The following ARHGEF37 variants were observed in gnomAD, a reference collection of about 807,000 sequenced individuals.
ARHGEF37 encodes the protein Rho guanine nucleotide exchange factor (GEF) 37.
Under a neutral mutation model 71.1 loss-of-function variants are expected in ARHGEF37, and 55 were observed. The ratio of observed to expected loss-of-function variants is 0.77; its 90% CI spans 0.62 to 0.97. The LOEUF is 0.97. ARHGEF37 is among the 50% of genes least tolerant of loss of function. ARHGEF37 has a pLI of 0.00. For synonymous variants in ARHGEF37, 327 were observed against 350.6 expected (o/e 0.93, Z 0.75); for missense variants, 765 against 836.8 (o/e 0.91, Z 1.06).
At chr5:149,569,425 T>G (rs1179219820) in intron 1 of ARHGEF37, among the ~76,000 whole-genome samples, 7 of 152,114 alleles carry the variant, frequency 4.6e-5, no homozygotes, top group Admixed American at 4.6e-4. Flanking sequence ...GTTCAAGCGA[T>G]TCTCCTGCCT....
chr5:149,598,753 T>TAG (rs1290249576), intron 2 of ARHGEF37, among the ~76,000 whole-genome samples: 1 of 85,130 alleles, frequency 1.2e-5, no homozygotes, highest in African/African-American at 4.7e-5. Flanking sequence ...TATATATCTA[T>TAG]ATATAGATAT....
Position 149,601,247 on chromosome 5 carries a change from A to G in ARHGEF37, c.310+16A>G, listed in dbSNP as rs770969068. The stretch of plus-strand genomic sequence containing the variant: ...CAGCTAGTTGGTAAGCAAAAAACCT[A>G]AGGAGTTGTCAGCCTTAGATTCTCA... On this transcript the variant is annotated intron_variant, in intron 3 of 12. Transcript: ENST00000333677. 4.4e-6 allele frequency: 7 copies of G among 1,606,558 alleles called. No homozygotes were observed. The highest frequency in any genetic ancestry group is 1.7e-5 in the Admixed American group (1 of 59,868).
At chr5:149,618,715 C>T (rs1232453208) in intron 6 of ARHGEF37, among the ~76,000 whole-genome samples, 4 of 152,202 alleles carry the variant, frequency 2.6e-5, no homozygotes, top group Admixed American at 6.5e-5. Context: ...CAGAGTCACA[C>T]GGCTAGGAAG....
chr5:149,585,925 C>G (rs1763223816), intron 1 of ARHGEF37, among the ~76,000 whole-genome samples: 1 of 152,206 alleles, frequency 6.6e-6, no homozygotes, highest in South Asian at 2.1e-4. Flanking sequence ...ATGACCATAT[C>G]AGTCTAACTC....
intron 3 of ARHGEF37, among the ~76,000 whole-genome samples, chr5:149,607,557 T>C (rs562294315): frequency 7.1e-4 from 108 of 152,296 alleles, no homozygotes; most frequent in Non-Finnish European, 1.2e-3. Flanking sequence ...ACAGGATTTG[T>C]GTGAGCAACA....
chr5:149,575,122 T>A (rs1319170528), intron 1 of ARHGEF37, among the ~76,000 whole-genome samples: 1 of 152,244 alleles, frequency 6.6e-6, no homozygotes, highest in African/African-American at 2.4e-5. Flanking sequence ...CAGTCTTGTC[T>A]GTCACTGAAC....
At chr5:149,624,237 C>G (rs1752619252) in intron 10 of ARHGEF37, 97 bp downstream of exon 10, 1 of 1,432,018 alleles carries the variant, frequency 7.0e-7, no homozygotes, top group African/African-American at 1.4e-5. Context: ...TTTTTGGTCC[C>G]CCAATGTTTC....
At chr5:149,601,909 T>TA (rs1169347935) in intron 3 of ARHGEF37, among the ~76,000 whole-genome samples, 1 of 152,062 alleles carries the variant, frequency 6.6e-6, no homozygotes, top group Non-Finnish European at 1.5e-5. Context: ...CTGTTGGGGA[T>TA]AAAATAGAAG....
intron 2 of ARHGEF37, among the ~76,000 whole-genome samples, chr5:149,599,568 G>C (rs934073153): frequency 6.6e-6 from 1 of 152,134 alleles, no homozygotes; most frequent in Non-Finnish European, 1.5e-5. Context: ...AGGATTACAA[G>C]CACATGCCAC....
rs79862650 is a variant in ARHGEF37, at chr5:149,589,040, G to A, written c.-12+7416G>A. 0.016 allele frequency among the ~76,000 whole-genome samples: 2,444 copies of A among 152,020 alleles called. 236 individuals carry two copies. The East Asian group carries it at 0.3, about 19-fold the overall frequency. On this transcript the variant is annotated intron_variant, in intron 1 of 12. Coordinates refer to ENST00000333677, the MANE Select transcript of ARHGEF37 (RefSeq NM_001001669.3). ...AGGCCAGGAGTTAGAGACCAGCCTC[G>A]GAAACAAGTGAGACCCTGTCTCTAC... is the stretch of plus-strand genomic sequence containing the variant.
At chr5:149,569,297 T>C (rs932782892) in intron 1 of ARHGEF37, among the ~76,000 whole-genome samples, 1 of 151,596 alleles carries the variant, frequency 6.6e-6, no homozygotes, top group African/African-American at 2.4e-5. Context: ...AGTTTCTGTT[T>C]ATTTTTATTT....
rs1752714451 is a variant in ARHGEF37 at position 149,627,188 on chromosome 5, C to T, written c.1577C>T (p.Thr526Ile). The T allele has an allele frequency of 6.2e-7, 1 of 1,614,140 alleles. No homozygotes were observed. Among genetic ancestry groups the T allele is most frequent in the Non-Finnish European group, 8.5e-7 (1 of 1,180,042 alleles). Residue 526 changes from threonine (T) to isoleucine (I), a missense_variant, in exon 11 of 13, where the codon ACT becomes ATT. Thr to Ile is a moderately conservative substitution (Grantham distance 89). Transcript: ENST00000333677. ...AGTGGGACTGGGACTCTGGACCTGA[C>T]TCTGCCTCGGGGCCAAATCGTGGCC... The part of the protein sequence containing the change: ...NISGTGTLDL[T>I]LPRGQIVAIL...
intron 4 of ARHGEF37, among the ~76,000 whole-genome samples, chr5:149,613,325 CAGAT>C (rs914311489): frequency 3.4e-4 from 51 of 151,196 alleles, no homozygotes; most frequent in African/African-American, 1.1e-3. Context: ...GATGGACAGA[CAGAT>C]AGATGGTTAG....
In ARHGEF37 at chr5:149,621,917, C is replaced by A; in HGVS notation, c.1190C>A (p.Ala397Glu). The A allele has an allele frequency of 6.2e-7, 1 of 1,614,258 alleles. No individual in the cohort carries two copies. Among genetic ancestry groups the A allele is most frequent in the South Asian group, 1.1e-5 (1 of 91,088 alleles). ...QEEAARHTYQ[A>E]LNSLLVAELP... Reference sequence around the variant, plus strand: ...GAGGCCGCCCGGCACACATACCAGGCACTCAACTCGCTGCTAGTGGCTGAG... The same window carrying A: ...GAGGCCGCCCGGCACACATACCAGGAACTCAACTCGCTGCTAGTGGCTGAG... The change falls in exon 9 of 13, where the codon GCA (alanine) becomes GAA (glutamate). Residue 397 changes from alanine to glutamate, a missense_variant. By Grantham distance (107) the Ala-to-Glu change is moderately radical. Around this residue, in one of 5 missense-constraint regions of ARHGEF37, gnomAD observed 390 missense variants for 407.4 expected, o/e 0.96. Coordinates refer to ENST00000333677, the MANE Select transcript of ARHGEF37 (RefSeq NM_001001669.3).
At position 149,618,284 on chromosome 5, in the gene ARHGEF37, A is replaced by G. The variant is rs1379735615; in HGVS notation, c.767A>G (p.Gln256Arg). The G allele has an allele frequency of 1.9e-6, 3 of 1,614,088 alleles. No homozygotes were observed. The highest frequency in any genetic ancestry group is 1.3e-5 in the African/African-American group (1 of 74,944). ...KTTRLSQLLK[Q>R]EAGLIPRTED... is the part of the protein sequence containing the mutation. The stretch of plus-strand genomic sequence containing the variant: ...ACCCGGCTGAGCCAGCTGCTGAAGC[A>G]GGAGGCGGGGCTGATCCCCAGGGTG... The change falls in exon 6 of 13, where the codon CAG becomes CGG. Residue 256 changes from glutamine to arginine, a missense_variant. Physicochemically the swap from Gln to Arg is conservative, Grantham distance 43. This residue lies in a region of ARHGEF37 where 167 missense variants were observed against 173.3 expected (regional missense o/e 0.96). Transcript: ENST00000333677.
chr5:149,612,419 G>A (rs532531754), intron 4 of ARHGEF37, among the ~76,000 whole-genome samples: 29 of 152,244 alleles, frequency 1.9e-4, no homozygotes, highest in African/African-American at 2.6e-4. Context: ...CGCCCACCTC[G>A]GCCTCCCAGA....
Position 149,632,307 on chromosome 5 carries a change from G to A in ARHGEF37, c.*116G>A, listed in dbSNP as rs1445822687. On this transcript the variant is annotated 3_prime_UTR_variant, in exon 13 of 13. Coordinates refer to ENST00000333677, the MANE Select transcript of ARHGEF37 (RefSeq NM_001001669.3). ...GTGGAAGGGAAGACCAGGCCAGGGT[G>A]GGTGAAGCACACTCAGGAGGCAGCC... The A allele has an allele frequency of 5.8e-6, 7 of 1,213,324 alleles. No homozygotes were observed. Among genetic ancestry groups the A allele is most frequent in the Non-Finnish European group, 8.0e-6 (7 of 874,126 alleles). 75.2% of individuals were successfully genotyped at this position (1,213,324 alleles called of 1,614,324 possible).
chr5:149,601,355 G>A, intron 3 of ARHGEF37, 124 bp downstream of exon 3: 4 of 1,213,600 alleles, frequency 3.3e-6, no homozygotes, highest in Non-Finnish European at 3.4e-6. Flanking sequence ...TCTGTTTTGG[G>A]GATCTCCAAA....
intron 8 of ARHGEF37, 58 bp from the exon 9 acceptor site, chr5:149,621,675 A>G: frequency 6.6e-7 from 1 of 1,509,166 alleles, no homozygotes; most frequent in South Asian, 1.3e-5. Context: ...GCCCCTTCTC[A>G]CAGCCCCTGC....
Sources: allele counts gnomAD v4.1 joint callset (sites outside exome capture counted in the v4.1 genomes callset), GRCh38; gene constraint gnomAD v4.1.1; regional missense constraint gnomAD v4.1.1; transcripts MANE v1.5; gene names NCBI Gene and HGNC (gene_info 2026-07-23, HGNC 2026-07-21).